The following ERICH1 variants were observed in gnomAD, a reference collection of about 807,000 sequenced individuals.
ERICH1 encodes glutamate-rich protein 1.
Under a neutral mutation model 39.6 loss-of-function variants are expected in ERICH1, and 56 were observed. The ratio of observed to expected loss-of-function variants is 1.41; its 90% CI spans 1.14 to 1.77. The LOEUF (loss-of-function observed/expected upper bound fraction) is 1.77. Among genes scored for constraint, ERICH1 ranks in the 40% most tolerant of loss-of-function variants. The pLI is 0.00. For synonymous variants in ERICH1, 313 were observed against 223.6 expected (o/e 1.40, Z -3.57); for missense variants, 826 against 575.4 (o/e 1.44, Z -4.45).
At chr8:677,302 G>A (rs1421192053) in intron 3 of ERICH1, among the ~76,000 whole-genome samples, 2 of 152,196 alleles carry the variant, frequency 1.3e-5, no homozygotes, top group African/African-American at 2.4e-5. Flanking sequence ...CAAACTGAAC[G>A]CCGCTGTGGA....
chr8:676,890 A>C (rs1314167212), intron 3 of ERICH1, among the ~76,000 whole-genome samples: 2 of 152,242 alleles, frequency 1.3e-5, no homozygotes, highest in African/African-American at 4.8e-5. Context: ...AATCAAGATG[A>C]AACAACGTGA....
intron 3 of ERICH1, among the ~76,000 whole-genome samples, chr8:691,831 C>A (rs907144028): frequency 6.6e-6 from 1 of 152,074 alleles, no homozygotes; most frequent in Non-Finnish European, 1.5e-5. Context: ...CATCTAGGTA[C>A]AACTTTTATT....
intron 2 of ERICH1, among the ~76,000 whole-genome samples, chr8:702,181 G>A (rs1187148523): frequency 2.0e-5 from 3 of 151,714 alleles, no homozygotes; most frequent in Non-Finnish European, 2.9e-5. Flanking sequence ...GACAAGCTCC[G>A]CAGAAACACG....
At chr8:684,706 G>T (rs1377341759) in intron 3 of ERICH1, among the ~76,000 whole-genome samples, 1 of 152,166 alleles carries the variant, frequency 6.6e-6, no homozygotes, top group African/African-American at 2.4e-5. Flanking sequence ...GCCAGTCTGA[G>T]AAATAAAGGG....
rs1262612034 is a variant in ERICH1, at chr8:675,277, GAC to G, written c.305-1232_305-1231del. 8.2e-3 allele frequency among the ~76,000 whole-genome samples: 28 copies of G among 3,406 alleles called. 5 individuals are homozygous for G. Among genetic ancestry groups the G allele is most frequent in the African/African-American group, 0.03 (17 of 558 alleles). 2.2% of individuals were successfully genotyped at this position (3,406 alleles called of 152,430 possible). A position where few individuals can be genotyped will look rare whatever the true frequency, so the allele number is the denominator to read the frequency against. On this transcript the variant is annotated intron_variant, in intron 3 of 5. Transcript: ENST00000262109. ...CGCGGCGGCCCCTCGTGAGGACAGA[GAC>G]GCGGCGGCCCCTCGGCGAGGACAGA...
At chr8:637,542 G>A in intron 3 of ERICH1, 1 of 152,394 alleles carries the variant, frequency 6.6e-6, no homozygotes, top group East Asian at 1.9e-4. Context: ...CTCCCGTGGA[G>A]TCGTCCAGGG....
intron 3 of ERICH1, chr8:641,208 T>A (rs1798940782): frequency 6.6e-6 from 1 of 152,142 alleles, no homozygotes; most frequent in Non-Finnish European, 1.5e-5. Flanking sequence ...TTTGCTGGAG[T>A]CTGACCACGA....
chr8:679,229 C>T (rs1805557403), intron 3 of ERICH1, among the ~76,000 whole-genome samples: 1 of 145,504 alleles, frequency 6.9e-6, no homozygotes, highest in Non-Finnish European at 1.5e-5. Flanking sequence ...TCACAGCTCC[C>T]AACTCACAGC....
intron 3 of ERICH1, among the ~76,000 whole-genome samples, chr8:632,326 T>TAA (rs10667356): frequency 0.011 from 1,630 of 149,898 alleles, 29 homozygotes; most frequent in African/African-American, 0.036. Context: ...TAATTAGCAG[T>TAA]AAAAAAAAAA....
intron 2 of ERICH1, among the ~76,000 whole-genome samples, chr8:706,537 G>T (rs1220163882): frequency 6.6e-6 from 1 of 152,204 alleles, no homozygotes; most frequent in African/African-American, 2.4e-5. Context: ...ACTTTGGAAG[G>T]CTGAGGTGGG....
chr8:686,726 G>C (rs1464524551), intron 3 of ERICH1: 3 of 152,278 alleles, frequency 2.0e-5, no homozygotes, highest in African/African-American at 7.2e-5. Context: ...TTGTGGGTAG[G>C]TAAAGGCAGC....
intron 3 of ERICH1, among the ~76,000 whole-genome samples, chr8:652,317 G>C (rs531119281): frequency 6.6e-6 from 1 of 152,236 alleles, no homozygotes; most frequent in African/African-American, 2.4e-5. Context: ...CCCCGTCAGA[G>C]TCACCACCTT....
chr8:619,698 G>T (rs529053825), intron 3 of ERICH1, among the ~76,000 whole-genome samples: 3 of 152,116 alleles, frequency 2.0e-5, no homozygotes, highest in African/African-American at 7.2e-5. Context: ...TATATTGTTG[G>T]GTTTGTAACA....
At chr8:720,654 C>T (rs969613545) in intron 1 of ERICH1, among the ~76,000 whole-genome samples, 23 of 152,166 alleles carry the variant, frequency 1.5e-4, no homozygotes, top group African/African-American at 4.8e-4. Flanking sequence ...AAGACAATGT[C>T]CCTTTTCAAA....
At chr8:633,157 G>C (rs1584969985) in intron 3 of ERICH1, among the ~76,000 whole-genome samples, 1 of 152,138 alleles carries the variant, frequency 6.6e-6, no homozygotes, top group African/African-American at 2.4e-5. Flanking sequence ...AACCAGTGTG[G>C]AGCCCGCGTG....
chr8:644,906 C>A lies in ERICH1; in HGVS notation c.976+23692G>T, dbSNP rs575867405. On this transcript the variant is annotated intron_variant, in intron 3 of 3. Transcript: ENST00000522706. ...AAGCCCAACAGATGCTGAGCACTTG[C>A]GGGAGGCTGGGACCCGAACACACTG... Among the ~76,000 whole-genome samples, 8 of 69,142 alleles carry A rather than the reference C, an allele frequency of 1.2e-4. 1 individual carries two copies. The highest frequency in any genetic ancestry group is 2.9e-4 in the African/African-American group (8 of 27,524). The allele number at this position is 69,142 out of a possible 152,430, so 45.4% of individuals were successfully genotyped here. A position where few individuals can be genotyped will look rare whatever the true frequency, so the allele number is the denominator to read the frequency against.
chr8:638,283 C>T (rs1798605052), intron 3 of ERICH1, among the ~76,000 whole-genome samples: 1 of 152,212 alleles, frequency 6.6e-6, no homozygotes, highest in East Asian at 1.9e-4. Flanking sequence ...TGGGCTAGTT[C>T]CAACATTCCT....
intron 2 of ERICH1, among the ~76,000 whole-genome samples, chr8:699,993 CCTCACAGG>C (rs1811501236): frequency 1.6e-5 from 2 of 123,598 alleles, no homozygotes; most frequent in African/African-American, 6.3e-5. Context: ...GCGCACAGAC[CCTCACAGG>C]CGCACAGACC....
At chr8:683,407 A>G (rs936269427) in intron 3 of ERICH1, among the ~76,000 whole-genome samples, 9 of 152,110 alleles carry the variant, frequency 5.9e-5, no homozygotes, top group Non-Finnish European at 1.0e-4. Context: ...GACGGGGAGC[A>G]CCCCTCCAGG....
Sources: gnomAD v4.1 joint callset for allele counts (sites outside exome capture counted in the v4.1 genomes callset) on GRCh38, gnomAD v4.1.1 for gene constraint, MANE v1.5 for transcripts, NCBI Gene and HGNC (gene_info 2026-07-23, HGNC 2026-07-21) for gene names.